The following ANKRD36C variants were observed in gnomAD, a reference collection of about 807,000 sequenced individuals.
ANKRD36C encodes ankyrin repeat domain-containing protein 36C.
A neutral mutation model predicts 276.4 loss-of-function variants in ANKRD36C; 61 were observed. That is an observed-to-expected ratio of 0.22 (90% CI 0.18 to 0.27). The LOEUF (loss-of-function observed/expected upper bound fraction) is 0.27, where lower values mean the gene tolerates loss of function less well. Ranked by LOEUF, ANKRD36C falls within the 10% of genes least tolerant of loss-of-function variation. The probability of loss-of-function intolerance (pLI) is 1.00; values close to 1 mark genes in which losing one functional copy is unlikely to be tolerated. For synonymous variants in ANKRD36C, 483 were observed against 680.1 expected, an observed-to-expected ratio of 0.71 and a Z score of 4.51; for missense variants, 1,447 against 2,032.3, an observed-to-expected ratio of 0.71 and a Z score of 5.54.
intron 48 of ANKRD36C, 56 bp downstream of exon 68, chr2:95,889,743 G>A: frequency 1.3e-6 from 2 of 1,533,862 alleles, no homozygotes; most frequent in Non-Finnish European, 1.8e-6. Context: ...ATTTGGTGAA[G>A]AGAAGATCTC....
chr2:95,973,426 A>G (rs530989953), intron 6 of ANKRD36C, among the ~76,000 whole-genome samples: 187 of 152,254 alleles, frequency 1.2e-3, no homozygotes, highest in Non-Finnish European at 2.9e-4. Context: ...AAAAAAATCT[A>G]TTAATAAAAA....
At chr2:95,938,897 G>A (rs750534412) in exon 22 of ANKRD36C, 31 of 1,537,506 alleles carry the variant, frequency 2.0e-5, no homozygotes, top group South Asian at 4.8e-5. Context: ...GTCTTTCACC[G>A]TATGCTGAAT....
exon 63 of ANKRD36C, chr2:95,855,482 A>T (rs1675389002): frequency 1.2e-6 from 2 of 1,611,816 alleles, no homozygotes; most frequent in Admixed American, 3.3e-5. Context: ...GTTGCTGTTG[A>T]AGCAACATAT....
At chr2:95,930,637 C>T (rs1206328815) in intron 24 of ANKRD36C, among the ~76,000 whole-genome samples, 2 of 151,114 alleles carry the variant, frequency 1.3e-5, no homozygotes, top group Admixed American at 1.3e-4. Flanking sequence ...AAATAACCAA[C>T]CAATATGACA....
chr2:95,888,740 G>A (rs1212497610), intron 48 of ANKRD36C, among the ~76,000 whole-genome samples: 1 of 151,576 alleles, frequency 6.6e-6, no homozygotes, highest in Non-Finnish European at 1.5e-5. Flanking sequence ...GTATCCACTC[G>A]TTTAGCCTTC....
At chr2:95,929,615 A>G (rs942407741) in intron 24 of ANKRD36C, among the ~76,000 whole-genome samples, 2 of 151,670 alleles carry the variant, frequency 1.3e-5, no homozygotes, top group African/African-American at 4.8e-5. Context: ...CTGGGAATCA[A>G]CGTCAAAGCA....
chr2:95,907,864 G>C (rs1309018601), intron 42 of ANKRD36C, among the ~76,000 whole-genome samples: 1 of 149,028 alleles, frequency 6.7e-6, no homozygotes, highest in East Asian at 2.0e-4. Flanking sequence ...AGTCAGTGTG[G>C]TGGTGTATTC....
chr2:95,974,139 T>C (rs1678757119), intron 6 of ANKRD36C, among the ~76,000 whole-genome samples: 2 of 152,150 alleles, frequency 1.3e-5, no homozygotes, highest in African/African-American at 4.8e-5. Context: ...AGTAACAGAT[T>C]ACCAATATTT....
chr2:95,939,110 G>T, intron 20 of ANKRD36C, 95 bp from the exon 21 acceptor site: 1 of 1,338,542 alleles, frequency 7.5e-7, no homozygotes, highest in South Asian at 1.5e-5. Flanking sequence ...AAATCTTCGT[G>T]CTTGCCCTTG....
At position 95,920,821 on chromosome 2, in the gene ANKRD36C, T is replaced by C. The variant is rs1265213638; in HGVS notation, c.2245+786A>G. Among the ~76,000 whole-genome samples the C allele has an allele frequency of 2.7e-5, 4 of 150,362 alleles. No individual in the cohort carries two copies. In the East Asian group the frequency reaches 5.9e-4, roughly 22 times the overall value. On this transcript the variant is annotated intron_variant, in intron 34 of 66. Transcript: ENST00000456556. ...TAGTCTCTAAAGAAGTTTCATGAAA[T>C]AGCTATTTTATCCAAGAGATAGCTC...
intron 36 of ANKRD36C, 145 bp from the exon 39 acceptor site, chr2:95,916,316 G>C (rs1677095511): frequency 1.4e-6 from 2 of 1,395,244 alleles, no homozygotes; most frequent in Admixed American, 2.0e-5. Context: ...CTGGGGACTA[G>C]AACATGACAG....
At chr2:95,902,862 C>G in intron 42 of ANKRD36C, 24 bp downstream of exon 54, 1 of 1,549,280 alleles carries the variant, frequency 6.5e-7, no homozygotes. Flanking sequence ...CTGAACATGA[C>G]ATTAAATCTC....
chr2:95,981,525 T>C (rs908060854), intron 4 of ANKRD36C, among the ~76,000 whole-genome samples: 3 of 148,980 alleles, frequency 2.0e-5, no homozygotes, highest in Admixed American at 1.4e-4. Flanking sequence ...TATGTGTGTA[T>C]ATGTAATATA....
At chr2:95,928,950 A>C in intron 26 of ANKRD36C, 122 bp downstream of exon 26, 1 of 1,456,052 alleles carries the variant, frequency 6.9e-7, no homozygotes, top group Non-Finnish European at 9.3e-7. Flanking sequence ...ACAAATGAAG[A>C]ATCTCAGGCA....
At chr2:95,910,636 A>G in intron 42 of ANKRD36C, 68 bp from the exon 45 acceptor site, 1 of 1,597,926 alleles carries the variant, frequency 6.3e-7, no homozygotes, top group Non-Finnish European at 8.5e-7. Flanking sequence ...ACATTCATGC[A>G]GCGTTAGCAT....
chr2:95,988,000 G>C (rs1679066557), intron 1 of ANKRD36C, among the ~76,000 whole-genome samples: 1 of 151,450 alleles, frequency 6.6e-6, no homozygotes, highest in African/African-American at 2.4e-5. Flanking sequence ...TTTATAACTG[G>C]CAACATTTTA....
intron 3 of ANKRD36C, 53 bp downstream of exon 3, chr2:95,986,698 G>A (rs1679033745): frequency 2.7e-6 from 4 of 1,490,776 alleles, no homozygotes; most frequent in Non-Finnish European, 3.6e-6. Flanking sequence ...ATGTGTCAAT[G>A]TTAAAATAAA....
rs1350837231 is a variant in ANKRD36C, at chr2:95,882,601, A to G, written c.3266-104T>C. The G allele has an allele frequency of 2.2e-5, 30 of 1,364,646 alleles. No individual in the cohort carries two copies. The East Asian group carries it at 7.0e-4, about 32-fold the overall frequency. The allele number at this position is 1,364,646 out of a possible 1,614,324, so 84.5% of individuals were successfully genotyped here. A position where few individuals can be genotyped will look rare whatever the true frequency, so the allele number is the denominator to read the frequency against. ...CAAGCTGTATCCTCCTGCCTGTACT[A>G]GTGTAGGATTTGATGTTTTACAGTT... On this transcript the variant is annotated intron_variant, in intron 54 of 66. Coordinates refer to ENST00000456556, the Ensembl canonical transcript of ANKRD36C.
rs1369538953 is a variant in ANKRD36C at position 95,963,956 on chromosome 2, TAA to T, written c.800-1411_800-1410del. ...ATATACATATATAAATATATATATATAAATATATATATATAAATATATATATA... is the reference window on the plus strand; with the variant it reads ...ATATACATATATAAATATATATATATATATATATATATAAATATATATATA... On this transcript the variant is annotated intron_variant, in intron 6 of 66. Coordinates refer to ENST00000456556, the Ensembl canonical transcript of ANKRD36C. Among the ~76,000 whole-genome samples the T allele has an allele frequency of 3.3e-3, 301 of 92,372 alleles. 6 individuals are homozygous for T. Among genetic ancestry groups the T allele is most frequent in the East Asian group, 9.9e-3 (30 of 3,032 alleles). The allele number at this position is 92,372 out of a possible 152,430, so 60.6% of individuals were successfully genotyped here. A position where few individuals can be genotyped will look rare whatever the true frequency, so the allele number is the denominator to read the frequency against.
Sources: gnomAD v4.1 joint callset for allele counts (sites outside exome capture counted in the v4.1 genomes callset) on GRCh38, gnomAD v4.1.1 for gene constraint, MANE v1.5 for transcripts, NCBI Gene and HGNC (gene_info 2026-07-23, HGNC 2026-07-21) for gene names.